Variants in ZNF407 observed in about 807,000 individuals in gnomAD.
ZNF407 encodes the protein zinc finger protein 407.
In ZNF407, 17 loss-of-function variants were observed where a neutral mutation model predicts 131.2. The observed-to-expected ratio is 0.13, with a 90% CI of 0.09 to 0.19. The LOEUF is 0.19. Among genes scored for constraint, ZNF407 ranks in the 10% least tolerant of loss-of-function variants. The pLI is 1.00. For synonymous variants in ZNF407, 1,156 were observed against 1,062.0 expected, an observed-to-expected ratio of 1.09 and a Z score of -1.72; for missense variants, 2,681 against 2,830.6, an observed-to-expected ratio of 0.95 and a Z score of 1.20.
intron 8 of ZNF407, among the ~76,000 whole-genome samples, chr18:74,945,374 T>G (rs1469638044): frequency 6.6e-6 from 1 of 152,176 alleles, no homozygotes; most frequent in African/African-American, 2.4e-5. Context: ...CTGTTGATGT[T>G]TCTTCCAGCA....
chr18:74,917,375 A>G (rs941082095), intron 7 of ZNF407, among the ~76,000 whole-genome samples: 3 of 152,220 alleles, frequency 2.0e-5, no homozygotes, highest in African/African-American at 2.4e-5. Flanking sequence ...GTGTATATAT[A>G]CATCCTGTAT....
intron 8 of ZNF407, among the ~76,000 whole-genome samples, chr18:74,982,393 C>T (rs17056054): frequency 0.17 from 25,164 of 152,128 alleles, 2,294 homozygotes; most frequent in Admixed American, 0.28. Flanking sequence ...AATTAACTTA[C>T]CTCCTTCAAA....
chr18:74,692,144 T>A (rs535146981), intron 3 of ZNF407, among the ~76,000 whole-genome samples: 248 of 151,946 alleles, frequency 1.6e-3, no homozygotes, highest in East Asian at 5.8e-3. Context: ...TGGAAAAAAA[T>A]ATATATATAC....
chr18:74,892,078 C>T (rs1223394858), intron 7 of ZNF407, among the ~76,000 whole-genome samples: 1 of 152,092 alleles, frequency 6.6e-6, no homozygotes, highest in East Asian at 1.9e-4. Flanking sequence ...GTGTTATCTA[C>T]CCACTTATAA....
intron 4 of ZNF407, among the ~76,000 whole-genome samples, chr18:74,823,297 C>A (rs139195648): frequency 2.5e-4 from 38 of 152,264 alleles, no homozygotes; most frequent in African/African-American, 8.7e-4. Flanking sequence ...GAAGAGACTG[C>A]ATCAACTAAC....
At chr18:74,719,716 C>T (rs1967982535) in intron 3 of ZNF407, among the ~76,000 whole-genome samples, 1 of 152,178 alleles carries the variant, frequency 6.6e-6, no homozygotes, top group Admixed American at 6.5e-5. Context: ...CTTTTTACTT[C>T]TATGCGATCA....
intron 4 of ZNF407, among the ~76,000 whole-genome samples, chr18:74,836,356 G>C (rs1328327606): frequency 6.6e-6 from 1 of 152,086 alleles, no homozygotes; most frequent in African/African-American, 2.4e-5. Context: ...TTCTGTATTG[G>C]TGTTAGGGAT....
At chr18:74,929,990 A>G (rs756141712) in intron 8 of ZNF407, among the ~76,000 whole-genome samples, 9 of 152,214 alleles carry the variant, frequency 5.9e-5, no homozygotes, top group Non-Finnish European at 1.2e-4. Flanking sequence ...ACATAACCAT[A>G]CTACTTACGA....
rs185761595 is a variant in ZNF407, at chr18:75,031,109, T to G, written c.5429-32041T>G. ...CAGCAGTTCACTCACCTGCAAGACC[T>G]CACACTCATGTAATAACAACACAGA... On this transcript the variant is annotated intron_variant, in intron 8 of 8. Transcript: ENST00000299687. 4.8e-3 allele frequency among the ~76,000 whole-genome samples: 728 copies of G among 152,280 alleles called. 7 individuals carry two copies. Among genetic ancestry groups the G allele is most frequent in the African/African-American group, 0.016 (647 of 41,546 alleles).
chr18:74,694,217 G>C (rs1396011757), intron 3 of ZNF407, among the ~76,000 whole-genome samples: 2 of 152,058 alleles, frequency 1.3e-5, no homozygotes, highest in African/African-American at 4.8e-5. Context: ...TTGGAGGTTT[G>C]TTTTTAAGTC....
intron 4 of ZNF407, among the ~76,000 whole-genome samples, chr18:74,814,717 TA>T (rs1970243689): frequency 6.6e-6 from 1 of 152,106 alleles, no homozygotes; most frequent in Non-Finnish European, 1.5e-5. Context: ...TTTACAGATT[TA>T]AAAAAATGTA....
intron 3 of ZNF407, among the ~76,000 whole-genome samples, chr18:74,775,647 T>C (rs1000949383): frequency 3.9e-5 from 6 of 152,206 alleles, no homozygotes; most frequent in African/African-American, 1.4e-4. Context: ...AATTCCCATG[T>C]TGATACCTGT....
intron 8 of ZNF407, among the ~76,000 whole-genome samples, chr18:74,955,343 C>G (rs1195620979): frequency 6.6e-6 from 1 of 151,982 alleles, no homozygotes; most frequent in African/African-American, 2.4e-5. Flanking sequence ...GAGAAGGGAC[C>G]TGGGAATTGA....
At chr18:74,935,443 T>G (rs1972029047) in intron 8 of ZNF407, among the ~76,000 whole-genome samples, 1 of 152,212 alleles carries the variant, frequency 6.6e-6, no homozygotes, top group Non-Finnish European at 1.5e-5. Context: ...TTTTTTAGAT[T>G]AACCTTGTTG....
intron 8 of ZNF407, among the ~76,000 whole-genome samples, chr18:74,960,850 A>G (rs1972333977): frequency 7.0e-6 from 1 of 143,350 alleles, no homozygotes; most frequent in Non-Finnish European, 1.5e-5. Flanking sequence ...GGGTGGAGGG[A>G]TAGGAGAAAG....
At chr18:74,783,281 A>G (rs1001182494) in intron 4 of ZNF407, among the ~76,000 whole-genome samples, 16 of 152,216 alleles carry the variant, frequency 1.1e-4, no homozygotes, top group African/African-American at 3.9e-4. Flanking sequence ...TGATTTCAAA[A>G]TAAATTTGAA....
chr18:74,632,855 T>C lies in ZNF407; in HGVS notation c.1836T>C (p.Asn612=), dbSNP rs1274762252. The change falls in exon 2 of 9, where the codon AAT becomes AAC. Residue 612 remains asparagine, a synonymous_variant. Transcript: ENST00000299687. ...NLRDHMKEKH[N]MHFLCTPCNL... ...GAGACCACATGAAGGAAAAGCACAA[T>C]ATGCATTTTCTTTGCACCCCTTGTA... 6.8e-6 allele frequency: 11 copies of C among 1,613,532 alleles called. No homozygotes were observed. Among genetic ancestry groups the C allele is most frequent in the Non-Finnish European group, 9.3e-6 (11 of 1,179,890 alleles).
chr18:74,742,092 T>C (rs1354106938), intron 3 of ZNF407, among the ~76,000 whole-genome samples: 1 of 152,168 alleles, frequency 6.6e-6, no homozygotes, highest in African/African-American at 2.4e-5. Context: ...TTTAGCCAAG[T>C]ATGGTAATCA....
At chr18:74,676,490 G>A (rs1477300866) in intron 3 of ZNF407, among the ~76,000 whole-genome samples, 7 of 146,578 alleles carry the variant, frequency 4.8e-5, no homozygotes, top group African/African-American at 1.5e-4. Flanking sequence ...AGGCTGGAGT[G>A]CAGTGGCGGG....
Sources: allele counts gnomAD v4.1 joint callset (sites outside exome capture counted in the v4.1 genomes callset), GRCh38; gene constraint gnomAD v4.1.1; transcripts MANE v1.5; gene names NCBI Gene and HGNC (gene_info 2026-07-23, HGNC 2026-07-21).